ST13: variants seen among roughly 807,000 people sequenced by gnomAD.
ST13 encodes the protein hsc70-interacting protein.
Under a neutral mutation model 56.7 loss-of-function variants are expected in ST13, and 23 were observed. The observed-to-expected ratio is 0.41, with a 90% confidence interval of 0.29 to 0.57. The LOEUF is 0.57. Ranked by LOEUF, ST13 falls within the 20% of genes least tolerant of loss-of-function variation. The pLI is 0.36. For missense variants in ST13, 369 were observed against 459.9 expected (o/e 0.80, Z 1.81); for synonymous variants, 132 against 142.4 (o/e 0.93, Z 0.52).
intron 3 of ST13, among the ~76,000 whole-genome samples, chr22:40,847,691 C>A (rs1392396986): frequency 6.6e-6 from 1 of 151,786 alleles, no homozygotes; most frequent in Non-Finnish European, 1.5e-5. Flanking sequence ...TTGAGGGGTG[C>A]CACATGTGTA....
chr22:40,845,010 T>G (rs944849910), intron 3 of ST13, 101 bp from the exon 4 acceptor site: 1 of 743,340 alleles, frequency 1.3e-6, no homozygotes, highest in Non-Finnish European at 2.1e-6. Flanking sequence ...CTACAATTAA[T>G]TATTTTAAGT....
At chr22:40,827,024 T>G (rs906282189) in intron 11 of ST13, 72 bp downstream of exon 11, 3 of 1,521,418 alleles carry the variant, frequency 2.0e-6, no homozygotes, top group Non-Finnish European at 2.7e-6. Context: ...AGAGTAACCT[T>G]TGTCTCCACA....
At chr22:40,833,703 C>T (rs974089173) in intron 7 of ST13, among the ~76,000 whole-genome samples, 3 of 151,878 alleles carry the variant, frequency 2.0e-5, no homozygotes, top group Non-Finnish European at 2.9e-5. Flanking sequence ...TGGCAAAACC[C>T]CATCTCTAAT....
rs187731342 is a variant in ST13 at position 40,825,131 on chromosome 22, C to T, written c.*1407G>A. On this transcript the variant is annotated 3_prime_UTR_variant, in exon 12 of 12. Transcript: ENST00000216218. The stretch of plus-strand genomic sequence containing the variant: ...TCTTATTTAAAATAAGAATTGAATG[C>T]ACAACAGAAAATTTATCATTTTCTT... 1 of 152,064 alleles carries T rather than the reference C, an allele frequency of 6.6e-6. No individual in the cohort carries two copies. Among genetic ancestry groups the T allele is most frequent in the East Asian group, 1.9e-4 (1 of 5,174 alleles). 9.4% of individuals were successfully genotyped at this position (152,064 alleles called of 1,614,324 possible).
At chr22:40,829,726 T>C (rs1350587742) in intron 9 of ST13, 52 bp from the exon 10 acceptor site, 8 of 1,048,858 alleles carry the variant, frequency 7.6e-6, no homozygotes, top group Non-Finnish European at 1.1e-5. Context: ...ATAAGTGCTG[T>C]CCATGCAACC....
At chr22:40,828,828 T>C (rs552438549) in intron 10 of ST13, among the ~76,000 whole-genome samples, 74 of 152,272 alleles carry the variant, frequency 4.9e-4, no homozygotes, top group African/African-American at 1.8e-3. Context: ...TTGCTGCCCC[T>C]ACTTATCCCA....
intron 3 of ST13, among the ~76,000 whole-genome samples, chr22:40,847,805 T>C (rs751119772): frequency 2.0e-5 from 3 of 152,110 alleles, no homozygotes; most frequent in Non-Finnish European, 4.4e-5. Context: ...TCTCAGCACT[T>C]TGGGAGGCCA....
intron 5 of ST13, among the ~76,000 whole-genome samples, chr22:40,839,171 A>G (rs944399326): frequency 6.3e-4 from 96 of 152,250 alleles, no homozygotes; most frequent in African/African-American, 2.3e-3. Context: ...GCAGTATAAA[A>G]CAGTATAAAC....
intron 4 of ST13, among the ~76,000 whole-genome samples, chr22:40,842,964 T>C (rs909216772): frequency 6.6e-6 from 1 of 151,956 alleles, no homozygotes; most frequent in African/African-American, 2.4e-5. Flanking sequence ...AAAATAAAAA[T>C]AAAAAACTAG....
chr22:40,842,360 A>G (rs1302318609), intron 4 of ST13, among the ~76,000 whole-genome samples: 2 of 152,260 alleles, frequency 1.3e-5, no homozygotes, highest in Admixed American at 1.3e-4. Context: ...GCCATGAAAA[A>G]TAAGAGTAAG....
chr22:40,832,127 T>C (rs2057756668), intron 8 of ST13: 3 of 465,514 alleles, frequency 6.4e-6, no homozygotes, highest in South Asian at 4.7e-5. Context: ...GTGCTGGGAT[T>C]ACAGGCATGA....
intron 7 of ST13, among the ~76,000 whole-genome samples, chr22:40,832,962 T>G (rs1320326107): frequency 5.9e-5 from 9 of 152,218 alleles, no homozygotes; most frequent in Non-Finnish European, 8.8e-5. Context: ...TGTAGACCAG[T>G]AACTTTCAAC....
intron 8 of ST13, 119 bp from the exon 9 acceptor site, chr22:40,831,075 T>C (rs752089731): frequency 1.4e-6 from 1 of 717,892 alleles, no homozygotes; most frequent in Non-Finnish European, 2.3e-6. Context: ...GACAGATTTG[T>C]CTTGTACAAA....
At chr22:40,853,572 G>A (rs892874444) in intron 1 of ST13, among the ~76,000 whole-genome samples, 1 of 152,162 alleles carries the variant, frequency 6.6e-6, no homozygotes. Context: ...GACCAGTGTA[G>A]AGACTTTTCT....
chr22:40,832,751 A>G, intron 7 of ST13, 80 bp from the exon 8 acceptor site: 1 of 1,118,630 alleles, frequency 8.9e-7, no homozygotes, highest in Non-Finnish European at 1.3e-6. Context: ...TCCTTACAAA[A>G]AAGGATTGTT....
intron 10 of ST13, among the ~76,000 whole-genome samples, chr22:40,829,283 T>C (rs1288761425): frequency 1.3e-5 from 2 of 152,184 alleles, no homozygotes; most frequent in Admixed American, 1.3e-4. Context: ...CTGGTCTTTA[T>C]ATAAATTCCA....
In ST13 at chr22:40,826,168, G is replaced by A. The variant is rs984167255; in HGVS notation, c.*370C>T. Reference sequence around the variant, plus strand: ...GCACTAATAACTTTTATTTCACTCAGAGCAGTAATCTTCCATACATAAGTA... The same window carrying A: ...GCACTAATAACTTTTATTTCACTCAAAGCAGTAATCTTCCATACATAAGTA... On this transcript the variant is annotated 3_prime_UTR_variant, in exon 12 of 12. Transcript: ENST00000216218. 3.8e-5 allele frequency: 6 copies of A among 159,260 alleles called. No homozygotes were observed. The highest frequency in any genetic ancestry group is 1.2e-4 in the African/African-American group (5 of 41,640). 9.9% of individuals were successfully genotyped at this position (159,260 alleles called of 1,614,324 possible).
At chr22:40,853,570 TAG>T (rs1187295688) in intron 1 of ST13, among the ~76,000 whole-genome samples, 5 of 152,312 alleles carry the variant, frequency 3.3e-5, no homozygotes, top group African/African-American at 1.2e-4. Flanking sequence ...AGGACCAGTG[TAG>T]AGACTTTTCT....
chr22:40,829,334 G>C (rs576835979), intron 10 of ST13, among the ~76,000 whole-genome samples: 2 of 152,292 alleles, frequency 1.3e-5, no homozygotes, highest in African/African-American at 4.8e-5. Context: ...TCTTCTGCGT[G>C]CCTTTTCCGT....
Sources: gnomAD v4.1 joint callset for allele counts (sites outside exome capture counted in the v4.1 genomes callset) on GRCh38, gnomAD v4.1.1 for gene constraint, MANE v1.5 for transcripts, NCBI Gene and HGNC (gene_info 2026-07-23, HGNC 2026-07-21) for gene names.